The following CTNNA2 variants were observed in gnomAD, a reference collection of about 807,000 sequenced individuals.
CTNNA2 encodes catenin alpha 2.
CTNNA2 carries 42 observed loss-of-function variants against 101.0 expected under a neutral mutation model. The ratio of observed to expected loss-of-function variants is 0.42; its 90% CI spans 0.32 to 0.54. The LOEUF (loss-of-function observed/expected upper bound fraction) is 0.54, where lower values mean the gene tolerates loss of function less well. CTNNA2 is among the 20% of genes least tolerant of loss of function. The probability of loss-of-function intolerance (pLI) is 0.14; values close to 1 mark genes in which losing one functional copy is unlikely to be tolerated. For synonymous variants in CTNNA2, 450 were observed against 456.4 expected (o/e 0.99, Z 0.18); for missense variants, 871 against 1,223.1 (o/e 0.71, Z 4.29).
In CTNNA2 at chr2:79,805,386, G is replaced by A. The variant is rs114884207; in HGVS notation, c.299-52627G>A. On this transcript the variant is annotated intron_variant, in intron 3 of 18. Transcript: ENST00000402739. ...ACAATATTTTAAAATAATTTTGTGCGTGGAACAAAGTTTTGACTGTGTTTT... is the reference window on the plus strand; with the variant it reads ...ACAATATTTTAAAATAATTTTGTGCATGGAACAAAGTTTTGACTGTGTTTT... Among the ~76,000 whole-genome samples, 155 of 152,226 alleles carry A rather than the reference G, an allele frequency of 1.0e-3. 1 individual carries two copies. Among genetic ancestry groups the A allele is most frequent in the African/African-American group, 3.6e-3 (150 of 41,558 alleles).
chr2:80,016,838 T>G (rs917778341), intron 7 of CTNNA2, among the ~76,000 whole-genome samples: 1 of 152,204 alleles, frequency 6.6e-6, no homozygotes, highest in Non-Finnish European at 1.5e-5. Flanking sequence ...AATGATAATC[T>G]GAGTTAATAG....
chr2:80,043,085 TTCTTTCTTTCTCTCTCTCTC>T (rs1696232094), intron 7 of CTNNA2, among the ~76,000 whole-genome samples: 4 of 39,266 alleles, frequency 1.0e-4, no homozygotes, highest in South Asian at 7.0e-4. Context: ...CTTTCTTTCT[TTCTTTCTTTCTCTCTCTCTC>T]TCTCTCTTTC....
At chr2:79,557,668 A>G (rs1231974751) in intron 1 of CTNNA2, among the ~76,000 whole-genome samples, 1 of 151,912 alleles carries the variant, frequency 6.6e-6, no homozygotes, top group Non-Finnish European at 1.5e-5. Flanking sequence ...TTTCAAAATG[A>G]TGACTCTGCT....
rs115358097 is a variant in CTNNA2 at position 79,710,524 on chromosome 2, T to C, written c.103-33863T>C. Among the ~76,000 whole-genome samples the C allele has an allele frequency of 3.1e-3, 472 of 152,242 alleles. 1 individual carries two copies. The highest frequency in any genetic ancestry group is 0.011 in the African/African-American group (456 of 41,550). ...TAGAAGTGTTTCCATTTCCACCCAG[T>C]GGAGAGTGTTTCGAGTGGTGGGAGA... is the stretch of plus-strand genomic sequence containing the variant. On this transcript the variant is annotated intron_variant, in intron 2 of 18. Transcript: ENST00000402739.
At chr2:80,561,450 G>A (rs923045753) in intron 12 of CTNNA2, among the ~76,000 whole-genome samples, 2 of 152,126 alleles carry the variant, frequency 1.3e-5, no homozygotes, top group Admixed American at 6.5e-5. Flanking sequence ...AAAAGCAAAT[G>A]CAAGGTTTTG....
chr2:79,792,384 A>G (rs1400833100), intron 3 of CTNNA2, among the ~76,000 whole-genome samples: 3 of 152,204 alleles, frequency 2.0e-5, no homozygotes, highest in African/African-American at 7.2e-5. Context: ...CCTTTCCTGT[A>G]ATACAGACTA....
chr2:80,640,452 A>T (rs576470515), intron 18 of CTNNA2, among the ~76,000 whole-genome samples: 3 of 152,180 alleles, frequency 2.0e-5, no homozygotes, highest in African/African-American at 7.2e-5. Context: ...GTGAACATAT[A>T]AACATTCTGA....
At chr2:79,869,040 T>C (rs996260788) in intron 4 of CTNNA2, among the ~76,000 whole-genome samples, 5 of 152,230 alleles carry the variant, frequency 3.3e-5, no homozygotes, top group Non-Finnish European at 5.9e-5. Flanking sequence ...TTAAGATCAT[T>C]GTGGAGGGGA....
chr2:79,475,649 T>C (rs4852491), intron 4 of CTNNA2, among the ~76,000 whole-genome samples: 103,352 of 151,324 alleles, frequency 0.68, 35,443 homozygotes, highest in African/African-American at 0.7. Flanking sequence ...ACTCTGATTT[T>C]CAATATAGCT....
intron 1 of CTNNA2, among the ~76,000 whole-genome samples, chr2:79,188,216 C>T (rs549832994): frequency 2.0e-5 from 3 of 152,180 alleles, no homozygotes; most frequent in African/African-American, 7.2e-5. Context: ...GCATGACATT[C>T]TAGACTAGAT....
chr2:79,485,951 T>C (rs113326660), intron 4 of CTNNA2, among the ~76,000 whole-genome samples: 7 of 152,202 alleles, frequency 4.6e-5, no homozygotes, highest in African/African-American at 1.4e-4. Flanking sequence ...ATGATCTTTT[T>C]TGGATGACCA....
chr2:80,480,991 G>A (rs996415147), intron 9 of CTNNA2, among the ~76,000 whole-genome samples: 2 of 152,110 alleles, frequency 1.3e-5, no homozygotes, highest in Non-Finnish European at 2.9e-5. Context: ...CTAAACCTAA[G>A]CATCTTTTGA....
At chr2:79,940,038 G>A (rs964902407) in intron 7 of CTNNA2, among the ~76,000 whole-genome samples, 7 of 152,118 alleles carry the variant, frequency 4.6e-5, no homozygotes, top group Non-Finnish European at 7.3e-5. Context: ...GTTGTGGTGA[G>A]CCGAGATTGC....
chr2:80,132,815 AAG>A (rs1400676992), intron 7 of CTNNA2, among the ~76,000 whole-genome samples: 1 of 152,198 alleles, frequency 6.6e-6, no homozygotes, highest in Non-Finnish European at 1.5e-5. Context: ...AAAATTTAAA[AAG>A]AAAAAATAAG....
chr2:79,967,951 C>A (rs1454139292), intron 7 of CTNNA2, among the ~76,000 whole-genome samples: 3 of 152,082 alleles, frequency 2.0e-5, no homozygotes, highest in African/African-American at 4.8e-5. Flanking sequence ...GAAGCCAAAG[C>A]AAATGGTTAT....
intron 2 of CTNNA2, among the ~76,000 whole-genome samples, chr2:79,279,134 T>C (rs1675293429): frequency 6.6e-6 from 1 of 152,146 alleles, no homozygotes; most frequent in Non-Finnish European, 1.5e-5. Flanking sequence ...AATCTCTTAC[T>C]TTCAGCTTTT....
At chr2:80,517,926 AC>A (rs1689228055) in intron 9 of CTNNA2, among the ~76,000 whole-genome samples, 1 of 152,162 alleles carries the variant, frequency 6.6e-6, no homozygotes, top group African/African-American at 2.4e-5. Context: ...GATCACACTA[AC>A]CAGATATTTG....
At position 79,884,606 on chromosome 2, in the gene CTNNA2, A is replaced by G. The variant is rs191126065; in HGVS notation, c.852+10264A>G. Among the ~76,000 whole-genome samples, 497 of 152,272 alleles carry G rather than the reference A, an allele frequency of 3.3e-3. 4 individuals carry two copies. Among genetic ancestry groups the G allele is most frequent in the African/African-American group, 0.012 (482 of 41,566 alleles). Reference sequence around the variant, plus strand: ...AATATCTGCACTTGAGGAATAAGACATTCTATTCTCAACCACATTAAGCTG... The same window carrying G: ...AATATCTGCACTTGAGGAATAAGACGTTCTATTCTCAACCACATTAAGCTG... On this transcript the variant is annotated intron_variant, in intron 6 of 18. Coordinates refer to ENST00000402739, the MANE Select transcript of CTNNA2 (RefSeq NM_001282597.3).
intron 7 of CTNNA2, among the ~76,000 whole-genome samples, chr2:80,149,789 C>T (rs1312580266): frequency 7.0e-6 from 1 of 143,782 alleles, no homozygotes; most frequent in Non-Finnish European, 1.5e-5. Flanking sequence ...CACACACACA[C>T]ACACACACAC....
Sources: allele counts gnomAD v4.1 joint callset (sites outside exome capture counted in the v4.1 genomes callset), GRCh38; gene constraint gnomAD v4.1.1; transcripts MANE v1.5; gene names NCBI Gene and HGNC (gene_info 2026-07-23, HGNC 2026-07-21).